ASB4: variants seen among roughly 807,000 people sequenced by gnomAD.
ASB4 encodes ankyrin repeat and SOCS box containing 4, also known as ankyrin repeat and SOCS box protein 4.
In ASB4, 35 loss-of-function variants were observed where a neutral mutation model predicts 38.6. The ratio of observed to expected loss-of-function variants is 0.91; its 90% CI spans 0.69 to 1.20. The LOEUF (loss-of-function observed/expected upper bound fraction) is 1.20, where lower values mean the gene tolerates loss of function less well. ASB4 is among the 50% of genes most tolerant of loss of function. The pLI is 0.00. For synonymous variants in ASB4, 195 were observed against 201.3 expected, an observed-to-expected ratio of 0.97 and a Z score of 0.26; for missense variants, 557 against 527.2, an observed-to-expected ratio of 1.06 and a Z score of -0.55.
rs112279792 is a variant in ASB4 at position 95,527,111 on chromosome 7, T to C, written c.488-702T>C. On this transcript the variant is annotated intron_variant, in intron 2 of 4. Coordinates refer to ENST00000325885, the MANE Select transcript of ASB4 (RefSeq NM_016116.3). Reference sequence around the variant, plus strand: ...TCTCTTTCAATGAATATTTCTACTATACCAGCTTCTGCCCCTTTTGATGAA... The same window carrying C: ...TCTCTTTCAATGAATATTTCTACTACACCAGCTTCTGCCCCTTTTGATGAA... 4.2e-3 allele frequency among the ~76,000 whole-genome samples: 636 copies of C among 152,322 alleles called. 3 individuals are homozygous for C. The highest frequency in any genetic ancestry group is 0.013 in the African/African-American group (551 of 41,580).
At chr7:95,529,149 C>G (rs1790786375) in intron 3 of ASB4, among the ~76,000 whole-genome samples, 2 of 152,094 alleles carry the variant, frequency 1.3e-5, no homozygotes, top group South Asian at 4.1e-4. Context: ...TGGTAAATGA[C>G]AAGGTAGAAG....
At position 95,490,302 on chromosome 7, in the gene ASB4, C is replaced by T. The variant is rs999879172; in HGVS notation, c.187+4144C>T. On this transcript the variant is annotated intron_variant, in intron 1 of 4. Coordinates refer to ENST00000325885, the MANE Select transcript of ASB4 (RefSeq NM_016116.3). ...TTCCTCTTTGCCAGAAATTCACTCT[C>T]CTGCTTTCCCATTTCCATCCTAGGG... Among the ~76,000 whole-genome samples, 12 of 152,226 alleles carry T rather than the reference C, an allele frequency of 7.9e-5. 1 individual carries two copies. The highest frequency in any genetic ancestry group is 2.2e-4 in the African/African-American group (9 of 41,452).
At chr7:95,523,648 T>C (rs774797790) in intron 2 of ASB4, among the ~76,000 whole-genome samples, 4 of 152,156 alleles carry the variant, frequency 2.6e-5, no homozygotes, top group Non-Finnish European at 5.9e-5. Context: ...AGTTCAAATG[T>C]TTCAGCTTAA....
At chr7:95,529,516 AT>A (rs1171487457) in intron 3 of ASB4, among the ~76,000 whole-genome samples, 1 of 152,254 alleles carries the variant, frequency 6.6e-6, no homozygotes, top group Non-Finnish European at 1.5e-5. Flanking sequence ...GTCAGGGCAG[AT>A]TCCAGATGGA....
chr7:95,502,395 G>T (rs911619114), intron 2 of ASB4, among the ~76,000 whole-genome samples: 65 of 151,442 alleles, frequency 4.3e-4, no homozygotes, highest in Admixed American at 2.3e-3. Flanking sequence ...AGCCTGCGGG[G>T]GGGGGGCAAA....
chr7:95,537,058 A>C (rs974450388), intron 4 of ASB4, among the ~76,000 whole-genome samples: 6 of 152,102 alleles, frequency 3.9e-5, no homozygotes, highest in Non-Finnish European at 7.4e-5. Flanking sequence ...CCCACTGAAC[A>C]CCCTTGGTTC....
chr7:95,550,815 A>G, the ASB4 span, among the ~76,000 whole-genome samples: 1 of 152,190 alleles, frequency 6.6e-6, no homozygotes, highest in Non-Finnish European at 1.5e-5. Flanking sequence ...AAATTCAGCC[A>G]GTGCAGGCAA....
At chr7:95,495,153 A>G (rs1428698839) in intron 1 of ASB4, among the ~76,000 whole-genome samples, 5 of 152,156 alleles carry the variant, frequency 3.3e-5, no homozygotes, top group Non-Finnish European at 7.3e-5. Flanking sequence ...AGTGTGTGAA[A>G]GTTGAGAGTT....
Position 95,528,141 on chromosome 7 carries a change from G to C in ASB4, c.816G>C (p.Leu272=), listed in dbSNP as rs775892510. The C allele has an allele frequency of 2.5e-6, 4 of 1,614,196 alleles. No individual in the cohort carries two copies. The highest frequency in any genetic ancestry group is 3.4e-6 in the Non-Finnish European group (4 of 1,180,036). Residue 272 remains leucine (L), a synonymous_variant, in exon 3 of 5, where the codon CTG becomes CTC. Transcript: ENST00000325885. ...NCDHVLMHMM[L]EAGAEANLMD... is the part of the protein sequence containing the mutation. ...ACCACGTGCTCATGCACATGATGCT[G>C]GAAGCTGGCGCCGAAGCCAATCTCA...
At chr7:95,497,517 C>T (rs978867010) in intron 2 of ASB4, among the ~76,000 whole-genome samples, 3 of 152,124 alleles carry the variant, frequency 2.0e-5, no homozygotes, top group African/African-American at 4.8e-5. Flanking sequence ...GAGGAAGAGG[C>T]ACCTATGTAG....
intron 2 of ASB4, among the ~76,000 whole-genome samples, chr7:95,498,662 A>G (rs1324965533): frequency 6.6e-6 from 1 of 152,186 alleles, no homozygotes; most frequent in Non-Finnish European, 1.5e-5. Flanking sequence ...CATTTTCCTA[A>G]CAGTATCTTT....
chr7:95,499,865 CTTTTTTTTT>C (rs61250820), intron 2 of ASB4, among the ~76,000 whole-genome samples: 6 of 77,258 alleles, frequency 7.8e-5, no homozygotes, highest in Admixed American at 7.1e-4. Context: ...GATACATCCT[CTTTTTTTTT>C]TTTTTTTTTT....
Position 95,537,681 on chromosome 7 carries a change from T to A in ASB4, c.1203T>A (p.His401Gln). The change falls in exon 5 of 5, where the codon CAT becomes CAA. Residue 401 changes from histidine (H) to glutamine (Q), a missense_variant. His to Gln is a conservative substitution (Grantham distance 24). Coordinates refer to ENST00000325885, the MANE Select transcript of ASB4 (RefSeq NM_016116.3). ...GAAGAACATTACACAACAGATGCCA[T>A]AGAGCAATTCCTTTGCTTTCCCTCC... ...AIRRTLHNRCHRAIPLLSLPL... is the reference protein window; with the variant it reads ...AIRRTLHNRCQRAIPLLSLPL... 6.2e-7 allele frequency: 1 copy of A among 1,613,910 alleles called. No individual in the cohort carries two copies. The highest frequency in any genetic ancestry group is 8.5e-7 in the Non-Finnish European group (1 of 1,179,822).
At chr7:95,522,792 G>A (rs979068570) in intron 2 of ASB4, among the ~76,000 whole-genome samples, 2 of 152,032 alleles carry the variant, frequency 1.3e-5, no homozygotes, top group African/African-American at 4.8e-5. Context: ...TGTTTCTTTT[G>A]CCCACAGATG....
chr7:95,495,592 G>A (rs1790233088), intron 1 of ASB4, among the ~76,000 whole-genome samples, 166 bp from the exon 2 acceptor site: 2 of 152,220 alleles, frequency 1.3e-5, no homozygotes, highest in East Asian at 1.9e-4. Context: ...TTAACAAAAC[G>A]CTTGCAGACC....
chr7:95,487,263 G>A (rs943397033), intron 1 of ASB4, among the ~76,000 whole-genome samples: 3 of 152,114 alleles, frequency 2.0e-5, no homozygotes, highest in Non-Finnish European at 4.4e-5. Context: ...TGGCATTAAT[G>A]GCATTAATAT....
upstream of ASB4, among the ~76,000 whole-genome samples, chr7:95,484,026 T>A (rs1285045080): frequency 1.6e-4 from 22 of 138,902 alleles, no homozygotes; most frequent in South Asian, 2.3e-4. Context: ...CATTAAAAAG[T>A]AAAAAAAAAA....
chr7:95,496,951 C>T (rs1160120465), intron 2 of ASB4, among the ~76,000 whole-genome samples: 1 of 151,958 alleles, frequency 6.6e-6, no homozygotes, highest in Non-Finnish European at 1.5e-5. Context: ...TAGGAAATAG[C>T]TTGAGCAAAA....
At chr7:95,517,683 A>T (rs1323272500) in intron 2 of ASB4, among the ~76,000 whole-genome samples, 1 of 152,132 alleles carries the variant, frequency 6.6e-6, no homozygotes, top group East Asian at 1.9e-4. Flanking sequence ...AGGTTGAAAA[A>T]TGTAGATAAT....
Sources: gnomAD v4.1 joint callset for allele counts (sites outside exome capture counted in the v4.1 genomes callset) on GRCh38, gnomAD v4.1.1 for gene constraint, MANE v1.5 for transcripts, NCBI Gene and HGNC (gene_info 2026-07-23, HGNC 2026-07-21) for gene names.